SGCZ: variants seen among roughly 807,000 people sequenced by gnomAD.
SGCZ encodes sarcoglycan zeta.
Under a neutral mutation model 41.3 loss-of-function variants are expected in SGCZ, and 40 were observed. The observed-to-expected ratio is 0.97, with a 90% confidence interval of 0.75 to 1.26. The LOEUF (loss-of-function observed/expected upper bound fraction) is 1.26. SGCZ is among the 50% of genes most tolerant of loss of function. The pLI, the probability that SGCZ is intolerant of heterozygous loss-of-function variation, is 0.00. For missense variants in SGCZ, 552 were observed against 369.8 expected, an observed-to-expected ratio of 1.49 and a Z score of -4.04; for synonymous variants, 206 against 137.5, an observed-to-expected ratio of 1.50 and a Z score of -3.49.
At chr8:14,095,506 C>G (rs10112987) in intron 7 of SGCZ, among the ~76,000 whole-genome samples, 35,125 of 151,970 alleles carry the variant, frequency 0.23, 4,314 homozygotes, top group Middle Eastern at 0.28. Context: ...GTTACTGTAG[C>G]CTTGTAGTAA....
intron 2 of SGCZ, among the ~76,000 whole-genome samples, chr8:14,417,364 G>C (rs1345150085): frequency 1.3e-5 from 2 of 151,756 alleles, no homozygotes; most frequent in East Asian, 1.9e-4. Flanking sequence ...ATTCTTCTGA[G>C]GGTTAGGAAA....
chr8:14,196,018 TA>T (rs1805256538), intron 4 of SGCZ, among the ~76,000 whole-genome samples: 1 of 152,076 alleles, frequency 6.6e-6, no homozygotes, highest in South Asian at 2.1e-4. Flanking sequence ...TTAATCTATT[TA>T]AAAATGACAG....
At chr8:14,998,149 C>A (rs1802284733) in intron 1 of SGCZ, among the ~76,000 whole-genome samples, 1 of 151,986 alleles carries the variant, frequency 6.6e-6, no homozygotes, top group African/African-American at 2.4e-5. Flanking sequence ...AGCACGAAAT[C>A]ATCAATACTT....
chr8:14,660,338 G>A (rs185642320), intron 1 of SGCZ, among the ~76,000 whole-genome samples: 7 of 151,962 alleles, frequency 4.6e-5, no homozygotes, highest in Middle Eastern at 3.4e-3. Context: ...TTGGGAGGCC[G>A]AGGTGGGTGG....
chr8:14,172,210 C>A (rs1037682285), intron 4 of SGCZ, among the ~76,000 whole-genome samples: 1 of 152,086 alleles, frequency 6.6e-6, no homozygotes, highest in Non-Finnish European at 1.5e-5. Context: ...TTTGTTCATG[C>A]CCATTTCCAG....
intron 2 of SGCZ, among the ~76,000 whole-genome samples, chr8:14,518,894 C>CAAAAAAA (rs370947291): frequency 2.3e-5 from 3 of 128,218 alleles, no homozygotes; most frequent in African/African-American, 8.9e-5. Context: ...CCATCTCTAC[C>CAAAAAAA]AAAAAAAAAA....
intron 1 of SGCZ, among the ~76,000 whole-genome samples, chr8:15,176,911 C>G (rs1011851818): frequency 6.6e-6 from 1 of 151,944 alleles, no homozygotes; most frequent in African/African-American, 2.4e-5. Context: ...TGAGGCAGGA[C>G]AATGGCGTGA....
intron 1 of SGCZ, among the ~76,000 whole-genome samples, chr8:14,592,176 A>C (rs1486841029): frequency 6.6e-6 from 1 of 152,176 alleles, no homozygotes; most frequent in Non-Finnish European, 1.5e-5. Flanking sequence ...ATTTAAACAT[A>C]ATTCAGACTA....
chr8:14,368,744 A>G (rs536218537), intron 2 of SGCZ, among the ~76,000 whole-genome samples: 11 of 152,128 alleles, frequency 7.2e-5, no homozygotes, highest in African/African-American at 2.6e-4. Context: ...CTGTCTTCTG[A>G]GCACTGTGTT....
chr8:14,877,935 T>C (rs1360685253), intron 1 of SGCZ, among the ~76,000 whole-genome samples: 1 of 152,102 alleles, frequency 6.6e-6, no homozygotes, highest in Non-Finnish European at 1.5e-5. Context: ...TGGGGAACTT[T>C]GTTAAATCAG....
At chr8:14,543,953 A>G (rs962488527) in intron 2 of SGCZ, among the ~76,000 whole-genome samples, 1 of 152,100 alleles carries the variant, frequency 6.6e-6, no homozygotes, top group Non-Finnish European at 1.5e-5. Flanking sequence ...GCCCATCACC[A>G]GTGTTTGTGA....
intron 2 of SGCZ, among the ~76,000 whole-genome samples, chr8:14,426,759 G>T (rs1436617598): frequency 6.6e-6 from 1 of 152,080 alleles, no homozygotes; most frequent in African/African-American, 2.4e-5. Flanking sequence ...AAAAGTGTAT[G>T]CTGAGAAAAA....
chr8:14,411,442 G>A (rs1312777973), intron 2 of SGCZ, among the ~76,000 whole-genome samples: 1 of 152,044 alleles, frequency 6.6e-6, no homozygotes, highest in Non-Finnish European at 1.5e-5. Flanking sequence ...TACACAAAAT[G>A]CCTAATTATG....
intron 5 of SGCZ, among the ~76,000 whole-genome samples, chr8:14,163,414 ATGTGG>A (rs1563161641): frequency 1.3e-5 from 2 of 152,294 alleles, no homozygotes; most frequent in East Asian, 3.9e-4. Context: ...AAATGAGAAC[ATGTGG>A]TGTTTGGCTT....
chr8:14,946,204 G>A (rs2130828018), intron 1 of SGCZ, among the ~76,000 whole-genome samples: 1 of 150,714 alleles, frequency 6.6e-6, no homozygotes, highest in South Asian at 2.1e-4. Context: ...GTGAGTATAT[G>A]CAGAACCATG....
chr8:14,281,407 A>G (rs1318512563), intron 3 of SGCZ, among the ~76,000 whole-genome samples: 1 of 151,982 alleles, frequency 6.6e-6, no homozygotes. Flanking sequence ...TTTCCATGTC[A>G]TTCTAATTTT....
At position 14,698,108 on chromosome 8, in the gene SGCZ, T is replaced by C. The variant is rs570327936; in HGVS notation, c.40-143182A>G. Among the ~76,000 whole-genome samples the C allele has an allele frequency of 6.1e-4, 93 of 152,204 alleles. 1 individual carries two copies. The highest frequency in any genetic ancestry group is 2.2e-3 in the African/African-American group (92 of 41,560). ...CCCTTCGTATTTAATAACTACTCACTATTTAAATAATCGCCTTTCTAGCAG... is the reference window on the plus strand; with the variant it reads ...CCCTTCGTATTTAATAACTACTCACCATTTAAATAATCGCCTTTCTAGCAG... On this transcript the variant is annotated intron_variant, in intron 1 of 7. Coordinates refer to ENST00000382080, the MANE Select transcript of SGCZ (RefSeq NM_139167.4).
intron 2 of SGCZ, among the ~76,000 whole-genome samples, chr8:14,525,070 TA>T (rs1012347177): frequency 2.6e-5 from 4 of 151,172 alleles, no homozygotes; most frequent in African/African-American, 9.7e-5. Flanking sequence ...ATGATGATGA[TA>T]GATAGATAGA....
chr8:15,130,396 T>C (rs534552168), intron 1 of SGCZ, among the ~76,000 whole-genome samples: 36 of 152,192 alleles, frequency 2.4e-4, no homozygotes, highest in Non-Finnish European at 3.1e-4. Flanking sequence ...ATGAATGCAC[T>C]AAAAAGAAAT....
Sources: gnomAD v4.1 joint callset for allele counts (sites outside exome capture counted in the v4.1 genomes callset) on GRCh38, gnomAD v4.1.1 for gene constraint, MANE v1.5 for transcripts, NCBI Gene and HGNC (gene_info 2026-07-23, HGNC 2026-07-21) for gene names.